Variants in ATP10B observed in about 807,000 individuals in gnomAD.
The protein encoded by ATP10B is ATPase phospholipid transporting 10B (putative), also known as phospholipid-transporting ATPase VB.
Under a neutral mutation model 141.2 loss-of-function variants are expected in ATP10B, and 122 were observed. That is an observed-to-expected ratio of 0.86 (90% CI 0.75 to 1.00). ATP10B has a LOEUF of 1.00. Ranked by LOEUF, ATP10B falls within the 50% of genes least tolerant of loss-of-function variation. The pLI is 0.00. For synonymous variants in ATP10B, 685 were observed against 692.0 expected (o/e 0.99, Z 0.16); for missense variants, 1,876 against 1,825.3 (o/e 1.03, Z -0.51).
intron 3 of ATP10B, among the ~76,000 whole-genome samples, chr5:160,705,342 C>T (rs1764944226): frequency 6.6e-6 from 1 of 152,176 alleles, no homozygotes; most frequent in South Asian, 2.1e-4. Context: ...CTACCTCAGC[C>T]TCCCAAGTTG....
intron 2 of ATP10B, among the ~76,000 whole-genome samples, chr5:160,724,605 C>G (rs11960769): frequency 0.49 from 75,017 of 152,040 alleles, 19,781 homozygotes; most frequent in Middle Eastern, 0.65. Context: ...GGCCCCTCCT[C>G]TCTTCTCTGA....
chr5:160,636,199 T>C lies in ATP10B; in HGVS notation c.1111A>G (p.Met371Val). ...CTTCCTACCTGGAGCAGGATGATCA[T>C]TGTGAGGAACATGTAGAAGCCCCCA... is the stretch of plus-strand genomic sequence containing the variant. ...ALGGFYMFLT[M>V]IILLQVLIPI... Residue 371 changes from methionine to valine, a missense_variant, in exon 11 of 26, where the codon ATG becomes GTG. By Grantham distance (21) the Met-to-Val change is conservative. Transcript: ENST00000327245. 1 of 1,610,946 alleles carries C rather than the reference T, an allele frequency of 6.2e-7. No individual in the cohort carries two copies. Among genetic ancestry groups the C allele is most frequent in the Non-Finnish European group, 8.5e-7 (1 of 1,178,566 alleles).
chr5:160,818,542 C>G (rs188817277), intron 1 of ATP10B, among the ~76,000 whole-genome samples: 12 of 152,324 alleles, frequency 7.9e-5, no homozygotes, highest in African/African-American at 2.6e-4. Flanking sequence ...CATTTTTACA[C>G]TGTTGGTGGG....
the ATP10B span, among the ~76,000 whole-genome samples, chr5:160,907,484 C>T: frequency 6.6e-5 from 10 of 152,084 alleles, no homozygotes; most frequent in Admixed American, 2.6e-4. Flanking sequence ...CCACCTCAGG[C>T]TCTTGAGTGG....
intron 1 of ATP10B, among the ~76,000 whole-genome samples, chr5:160,836,266 C>G (rs1775423113): frequency 6.6e-6 from 1 of 152,066 alleles, no homozygotes; most frequent in Non-Finnish European, 1.5e-5. Flanking sequence ...AGTTGGGCAA[C>G]TAAACCTTGG....
chr5:160,639,198 C>T (rs1299669095), intron 10 of ATP10B: 1 of 152,392 alleles, frequency 6.6e-6, no homozygotes, highest in African/African-American at 2.4e-5. Context: ...CAAATGTCTA[C>T]TCCACTTGAG....
intron 2 of ATP10B, among the ~76,000 whole-genome samples, chr5:160,733,611 CACACATATATT>C (rs1561799121): frequency 1.3e-5 from 2 of 151,536 alleles, no homozygotes; most frequent in African/African-American, 2.4e-5. Context: ...ACATATATGT[CACACATATATT>C]ACACATATAT....
chr5:160,729,948 A>G (rs1235110565), intron 2 of ATP10B, among the ~76,000 whole-genome samples: 1 of 152,182 alleles, frequency 6.6e-6, no homozygotes, highest in Non-Finnish European at 1.5e-5. Flanking sequence ...CTATGAAGCT[A>G]TACTTGCTTC....
intron 6 of ATP10B, among the ~76,000 whole-genome samples, chr5:160,678,198 C>A (rs538548114): frequency 1.8e-4 from 27 of 152,320 alleles, no homozygotes; most frequent in African/African-American, 6.5e-4. Flanking sequence ...ATCATTATAA[C>A]CCTGTCCACT....
chr5:160,732,631 T>A (rs1766825658), intron 2 of ATP10B, among the ~76,000 whole-genome samples: 1 of 152,152 alleles, frequency 6.6e-6, no homozygotes, highest in African/African-American at 2.4e-5. Flanking sequence ...TATTTCTGGG[T>A]TCTCTATTTT....
chr5:160,840,408 C>T (rs1474948452), intron 1 of ATP10B, among the ~76,000 whole-genome samples: 1 of 151,446 alleles, frequency 6.6e-6, no homozygotes, highest in African/African-American at 2.4e-5. Flanking sequence ...GAATAGAAAT[C>T]TATAGAAATC....
At chr5:160,637,051 T>TCCATCCATCCAC (rs1281014888) in intron 10 of ATP10B, among the ~76,000 whole-genome samples, 1 of 132,604 alleles carries the variant, frequency 7.5e-6, no homozygotes, top group Non-Finnish European at 1.6e-5. Context: ...AATCCATCCA[T>TCCATCCATCCAC]CCATCCATCC....
chr5:160,770,173 T>C (rs1460240167), intron 2 of ATP10B, among the ~76,000 whole-genome samples: 1 of 152,078 alleles, frequency 6.6e-6, no homozygotes, highest in East Asian at 1.9e-4. Context: ...CCTCCATCTC[T>C]CTCTGTCCCT....
At chr5:160,594,931 C>T (rs956243970) in intron 22 of ATP10B, among the ~76,000 whole-genome samples, 1 of 152,162 alleles carries the variant, frequency 6.6e-6, no homozygotes, top group Non-Finnish European at 1.5e-5. Flanking sequence ...TAGACTCCCG[C>T]ACAATAATAG....
intron 24 of ATP10B, among the ~76,000 whole-genome samples, chr5:160,586,027 G>A (rs1020515015): frequency 6.6e-6 from 1 of 152,188 alleles, no homozygotes; most frequent in Admixed American, 6.5e-5. Context: ...TTGTTACATA[G>A]GTATACATGT....
chr5:160,882,825 C>T, the ATP10B span, among the ~76,000 whole-genome samples: 1 of 152,048 alleles, frequency 6.6e-6, no homozygotes, highest in East Asian at 1.9e-4. Context: ...TTTCATTGTT[C>T]ACACAACACA....
the ATP10B span, among the ~76,000 whole-genome samples, chr5:160,923,551 G>A: frequency 6.6e-6 from 1 of 152,192 alleles, no homozygotes; most frequent in Admixed American, 6.5e-5. Context: ...GCAGTATTAT[G>A]CAACTGTGGA....
intron 17 of ATP10B, among the ~76,000 whole-genome samples, 153 bp downstream of exon 17, chr5:160,615,685 T>G (rs1447124706): frequency 6.6e-6 from 1 of 152,070 alleles, no homozygotes; most frequent in Non-Finnish European, 1.5e-5. Flanking sequence ...GGTTGGGTAT[T>G]GGCATGGCCC....
Position 160,612,746 on chromosome 5 carries a change from T to G in ATP10B, c.2833A>C (p.Asn945His), listed in dbSNP as rs1246152384. 6 of 1,612,858 alleles carry G rather than the reference T, an allele frequency of 3.7e-6. No homozygotes were observed. The South Asian group carries it at 6.6e-5, about 18-fold the overall frequency. The change falls in exon 18 of 26, where the codon AAT (asparagine) becomes CAT (histidine). Residue 945 changes from asparagine to histidine, a missense_variant. Transcript: ENST00000327245. ...TDTVYTINTE[N>H]QETCESILNC... is the part of the protein sequence containing the mutation. Reference sequence around the variant, plus strand: ...AATACAGAGAATCACCTCACCTGATTCTCTGTATTGATGGTATAAACAGTG... The same window carrying G: ...AATACAGAGAATCACCTCACCTGATGCTCTGTATTGATGGTATAAACAGTG...
Sources: allele counts gnomAD v4.1 joint callset (sites outside exome capture counted in the v4.1 genomes callset), GRCh38; gene constraint gnomAD v4.1.1; transcripts MANE v1.5; gene names NCBI Gene and HGNC (gene_info 2026-07-23, HGNC 2026-07-21).